AFF3: variants seen among roughly 807,000 people sequenced by gnomAD.
AFF3 encodes the protein AF4/FMR2 family member 3.
In AFF3, 32 loss-of-function variants were observed where a neutral mutation model predicts 129.7. The ratio of observed to expected loss-of-function variants is 0.25; its 90% CI spans 0.19 to 0.33. AFF3 has a LOEUF of 0.33. Ranked by LOEUF, AFF3 falls within the 10% of genes least tolerant of loss-of-function variation. The pLI is 1.00. For missense variants in AFF3, 1,373 were observed against 1,592.0 expected, an observed-to-expected ratio of 0.86 and a Z score of 2.34; for synonymous variants, 644 against 635.4, an observed-to-expected ratio of 1.01 and a Z score of -0.20.
chr2:99,866,846 C>T (rs559203635), intron 7 of AFF3, among the ~76,000 whole-genome samples: 10 of 151,368 alleles, frequency 6.6e-5, no homozygotes, highest in South Asian at 2.1e-4. Context: ...TGTGGTGGCA[C>T]GCACCTCTAA....
chr2:99,628,043 C>T (rs1159828260), intron 13 of AFF3, among the ~76,000 whole-genome samples: 1 of 152,084 alleles, frequency 6.6e-6, no homozygotes, highest in African/African-American at 2.4e-5. Flanking sequence ...GCCTTGGCTA[C>T]TAGGGCTCTT....
At position 99,550,912 on chromosome 2, in the gene AFF3, T is replaced by C. The variant is rs1674359640; in HGVS notation, c.*562A>G. The C allele has an allele frequency of 7.4e-6, 2 of 271,432 alleles. No individual in the cohort carries two copies. 16.8% of individuals were successfully genotyped at this position (271,432 alleles called of 1,614,324 possible). A position where few individuals can be genotyped will look rare whatever the true frequency, so the allele number is the denominator to read the frequency against. On this transcript the variant is annotated 3_prime_UTR_variant, in exon 25 of 25. Coordinates refer to ENST00000672756, the MANE Select transcript of AFF3 (RefSeq NM_001386135.1). Reference sequence around the variant, plus strand: ...CGGCACAAAAATACCTGGCTTATTTTCATTATTCAATTACCCATTAATACA... The same window carrying C: ...CGGCACAAAAATACCTGGCTTATTTCCATTATTCAATTACCCATTAATACA...
intron 4 of AFF3, among the ~76,000 whole-genome samples, chr2:100,033,267 T>C (rs531393881): frequency 6.6e-6 from 1 of 152,252 alleles, no homozygotes; most frequent in South Asian, 2.1e-4. Flanking sequence ...ATAAACCTCA[T>C]TATTAAAAAA....
chr2:99,904,011 ATTAATT>A (rs1694536021), intron 7 of AFF3, among the ~76,000 whole-genome samples: 3 of 152,116 alleles, frequency 2.0e-5, no homozygotes, highest in South Asian at 4.2e-4. Context: ...TATCTTCTTT[ATTAATT>A]TTATCATTCA....
intron 13 of AFF3, among the ~76,000 whole-genome samples, chr2:99,627,913 T>C (rs1395639544): frequency 7.1e-6 from 1 of 141,484 alleles, no homozygotes; most frequent in East Asian, 2.1e-4. Context: ...TCTGTTCCAT[T>C]GGTCTATGTG....
chr2:99,890,050 G>A (rs186947176), intron 7 of AFF3, among the ~76,000 whole-genome samples: 25 of 152,312 alleles, frequency 1.6e-4, no homozygotes, highest in Admixed American at 2.6e-4. Flanking sequence ...GGCGAGTTCT[G>A]AAATAGGAGG....
At chr2:99,730,508 T>C (rs759062278) in intron 10 of AFF3, among the ~76,000 whole-genome samples, 26 of 150,134 alleles carry the variant, frequency 1.7e-4, no homozygotes, top group Non-Finnish European at 2.9e-4. Context: ...AGTTTTGCTA[T>C]ACTGCAACTT....
intron 4 of AFF3, among the ~76,000 whole-genome samples, chr2:100,051,268 G>A (rs989958238): frequency 1.3e-5 from 2 of 152,150 alleles, no homozygotes; most frequent in Non-Finnish European, 2.9e-5. Context: ...TAATAAGGGA[G>A]GTAAAAAGTA....
chr2:99,829,718 G>C (rs1688374394), intron 8 of AFF3, among the ~76,000 whole-genome samples: 1 of 152,182 alleles, frequency 6.6e-6, no homozygotes, highest in African/African-American at 2.4e-5. Flanking sequence ...GGAAGACATT[G>C]TGGCGATTCC....
chr2:99,868,334 T>C (rs978216113), intron 7 of AFF3, among the ~76,000 whole-genome samples: 1 of 152,176 alleles, frequency 6.6e-6, no homozygotes, highest in Non-Finnish European at 1.5e-5. Context: ...CATGTCTTCA[T>C]AGTTCACAGA....
chr2:100,035,548 C>G (rs191489241), intron 4 of AFF3, among the ~76,000 whole-genome samples: 193 of 152,288 alleles, frequency 1.3e-3, no homozygotes, highest in African/African-American at 4.4e-3. Flanking sequence ...GCAGACACCA[C>G]AAAGTATGGT....
chr2:99,817,678 T>G (rs1336809221), intron 8 of AFF3, among the ~76,000 whole-genome samples: 2 of 152,202 alleles, frequency 1.3e-5, no homozygotes, highest in East Asian at 3.9e-4. Context: ...CATGCCACGG[T>G]GCCCAGCCTG....
At chr2:100,133,623 A>G (rs1414999235) in intron 1 of AFF3, among the ~76,000 whole-genome samples, 4 of 152,036 alleles carry the variant, frequency 2.6e-5, no homozygotes, top group Non-Finnish European at 5.9e-5. Context: ...ACTACTTTTT[A>G]TCCAACTTTT....
At chr2:99,824,119 CCT>C (rs1491532465) in intron 8 of AFF3, among the ~76,000 whole-genome samples, 1 of 151,826 alleles carries the variant, frequency 6.6e-6, no homozygotes, top group Non-Finnish European at 1.5e-5. Context: ...AATATAAAAT[CCT>C]TTTTTTTTTT....
intron 9 of AFF3, among the ~76,000 whole-genome samples, chr2:99,748,290 C>G (rs763589976): frequency 1.3e-5 from 2 of 152,192 alleles, no homozygotes; most frequent in African/African-American, 4.8e-5. Context: ...TCTCACCAGC[C>G]TTCTCTCCCC....
rs35307881 is a variant in AFF3, at chr2:99,715,674, C to CT, written c.1091+11402dup. On this transcript the variant is annotated intron_variant, in intron 11 of 24. Transcript: ENST00000672756. ...CTGATTTATGTAGGTCATTTCAAAT[C>CT]TTTTTTTTTTTTTTTGAGATGGAGT... is the stretch of plus-strand genomic sequence containing the variant. Among the ~76,000 whole-genome samples, 140 of 136,130 alleles carry CT rather than the reference C, an allele frequency of 1.0e-3. 1 individual carries two copies. Among genetic ancestry groups the CT allele is most frequent in the African/African-American group, 2.5e-3 (92 of 36,810 alleles). 89.3% of individuals were successfully genotyped at this position (136,130 alleles called of 152,430 possible).
At chr2:99,894,204 C>T (rs1424820181) in intron 7 of AFF3, among the ~76,000 whole-genome samples, 3 of 150,122 alleles carry the variant, frequency 2.0e-5, no homozygotes, top group African/African-American at 4.9e-5. Flanking sequence ...TGCCTGGATG[C>T]CTTTTTTTGA....
intron 7 of AFF3, among the ~76,000 whole-genome samples, chr2:99,884,820 C>T (rs1390606062): frequency 6.6e-6 from 1 of 152,224 alleles, no homozygotes; most frequent in African/African-American, 2.4e-5. Flanking sequence ...AGAGGAGACA[C>T]ATTCTGGTGA....
At chr2:99,578,770 G>C (rs146734017) in intron 17 of AFF3, among the ~76,000 whole-genome samples, 1 of 152,270 alleles carries the variant, frequency 6.6e-6, no homozygotes, top group Non-Finnish European at 1.5e-5. Flanking sequence ...TGGAGGCCAG[G>C]GGTTAGGGTT....
Sources: allele counts gnomAD v4.1 joint callset (sites outside exome capture counted in the v4.1 genomes callset), GRCh38; gene constraint gnomAD v4.1.1; transcripts MANE v1.5; gene names NCBI Gene and HGNC (gene_info 2026-07-23, HGNC 2026-07-21).